Variants in BTBD1 observed in about 807,000 individuals in gnomAD.
The protein encoded by BTBD1 is BTB/POZ domain-containing protein 1.
In BTBD1, 34 loss-of-function variants were observed where a neutral mutation model predicts 48.0. The observed-to-expected ratio is 0.71, with a 90% CI of 0.54 to 0.94. BTBD1 has a LOEUF of 0.94. Among genes scored for constraint, BTBD1 ranks in the 40% least tolerant of loss-of-function variants. The pLI, the probability that BTBD1 is intolerant of heterozygous loss-of-function variation, is 0.00. For missense variants in BTBD1, 543 were observed against 625.6 expected (o/e 0.87, Z 1.41); for synonymous variants, 261 against 242.1 (o/e 1.08, Z -0.72).
chr15:83,051,617 T>C (rs933496642), intron 2 of BTBD1, among the ~76,000 whole-genome samples: 3 of 151,500 alleles, frequency 2.0e-5, no homozygotes, highest in African/African-American at 7.3e-5. Context: ...TTAAATAAAT[T>C]TTAGCACTAA....
intron 2 of BTBD1, among the ~76,000 whole-genome samples, chr15:83,052,876 G>A (rs570691627): frequency 2.8e-5 from 4 of 143,306 alleles, no homozygotes; most frequent in East Asian, 2.0e-4. Flanking sequence ...TCCTGACCCC[G>A]TGATCTGCCC....
intron 3 of BTBD1, among the ~76,000 whole-genome samples, chr15:83,046,894 T>C (rs994805767): frequency 1.3e-5 from 2 of 152,160 alleles, no homozygotes; most frequent in Admixed American, 1.3e-4. Context: ...ACAAGTATCA[T>C]GGACGAGGGT....
intron 5 of BTBD1, among the ~76,000 whole-genome samples, chr15:83,023,423 G>A (rs769545353): frequency 5.3e-5 from 8 of 151,984 alleles, no homozygotes; most frequent in African/African-American, 1.2e-4. Context: ...TCTGTCACCC[G>A]AACTGGAGAG....
chr15:83,066,946 C>G lies in BTBD1; in HGVS notation c.206G>C (p.Ser69Thr), dbSNP rs1363161155. 3 of 1,577,262 alleles carry G rather than the reference C, an allele frequency of 1.9e-6. No homozygotes were observed. The highest frequency in any genetic ancestry group is 2.6e-6 in the Non-Finnish European group (3 of 1,164,586). ...FAFLFNSELL[S>T]DVRFVLGKGR... ...CTTGCCCAGTACGAAGCGCACATCGCTCAGCAGCTCCGAGTTGAAGAGGAA... is the reference window on the plus strand; with the variant it reads ...CTTGCCCAGTACGAAGCGCACATCGGTCAGCAGCTCCGAGTTGAAGAGGAA... Residue 69 changes from serine to threonine, a missense_variant, in exon 1 of 8, where the codon AGC becomes ACC. This residue lies in a region of BTBD1 where 173 missense variants were observed against 163.9 expected (regional missense o/e 1.06). Transcript: ENST00000261721.
chr15:83,032,986 A>AAAAAAAAAAAAAAAAAAAC (rs1555439417), intron 4 of BTBD1, among the ~76,000 whole-genome samples: 1 of 151,372 alleles, frequency 6.6e-6, no homozygotes, highest in African/African-American at 2.4e-5. Flanking sequence ...AAAAAAAAAA[A>AAAAAAAAAAAAAAAAAAAC]AACAGAATAG....
chr15:83,062,170 A>G (rs1456771779), intron 1 of BTBD1, among the ~76,000 whole-genome samples: 2 of 121,926 alleles, frequency 1.6e-5, no homozygotes, highest in Non-Finnish European at 3.7e-5. Context: ...TAAAGTGTTT[A>G]AACATCCTGT....
At chr15:83,020,623 T>A in intron 6 of BTBD1, 52 bp downstream of exon 6, 5 of 1,209,248 alleles carry the variant, frequency 4.1e-6, no homozygotes, top group Non-Finnish European at 6.0e-6. Flanking sequence ...TATCTTAAAG[T>A]TACCTGTTTG....
In BTBD1 at chr15:83,030,229, G is replaced by C. The variant is rs574934563; in HGVS notation, c.962C>G (p.Pro321Arg). The change falls in exon 5 of 8, where the codon CCA becomes CGA. Residue 321 changes from proline (P) to arginine (R), a missense_variant. Physicochemically the swap from Pro to Arg is moderately radical, Grantham distance 103 (BLOSUM62 -2). This residue lies in a region of BTBD1 where 300 missense variants were observed against 350.0 expected (regional missense o/e 0.86). Coordinates refer to ENST00000261721, the MANE Select transcript of BTBD1 (RefSeq NM_025238.4). ...TTCCTTTCCCCTGAGACAGCATCTT[G>C]GTCGGTCAATGTATTCAACTCGGGG... The part of the protein sequence containing the change: ...PKPRVEYIDR[P>R]RCCLRGKECC... 2 of 1,613,852 alleles carry C rather than the reference G, an allele frequency of 1.2e-6. No individual in the cohort carries two copies. Among genetic ancestry groups the C allele is most frequent in the African/African-American group, 1.3e-5 (1 of 74,934 alleles).
intron 1 of BTBD1, among the ~76,000 whole-genome samples, chr15:83,062,870 C>T (rs922354859): frequency 2.0e-5 from 3 of 152,146 alleles, no homozygotes; most frequent in Non-Finnish European, 4.4e-5. Context: ...TGCAACAAAA[C>T]TCCTGAGAGG....
Position 83,030,321 on chromosome 15 carries a change from A to G in BTBD1, c.870T>C (p.Ala290=). 6.2e-7 allele frequency: 1 copy of G among 1,611,700 alleles called. No homozygotes were observed. Among genetic ancestry groups the G allele is most frequent in the South Asian group, 1.1e-5 (1 of 90,916 alleles). ...MTIEEFAAGP[A]QSGILSDREV... ...CACGATCTGACAAAATTCCAGATTG[A>G]GCAGGACCTGTGGAAATAAAAACAT... Residue 290 remains alanine, a synonymous_variant, in exon 5 of 8, where the codon GCT becomes GCC. Transcript: ENST00000261721.
chr15:83,061,421 C>T (rs527444764), intron 1 of BTBD1: 33 of 152,246 alleles, frequency 2.2e-4, no homozygotes, highest in African/African-American at 6.0e-4. Flanking sequence ...GCACTCATAT[C>T]TAATAACTAA....
At chr15:83,062,817 C>T (rs970011137) in intron 1 of BTBD1, among the ~76,000 whole-genome samples, 1 of 152,152 alleles carries the variant, frequency 6.6e-6, no homozygotes, top group Non-Finnish European at 1.5e-5. Context: ...AGAACACTTA[C>T]CTCGTGCCCC....
At chr15:83,056,623 G>A (rs1278729827) in intron 1 of BTBD1, 78 bp from the exon 2 acceptor site, 8 of 1,266,904 alleles carry the variant, frequency 6.3e-6, no homozygotes, top group Non-Finnish European at 7.9e-6. Context: ...AAATTTCTGA[G>A]GAGTATTTAC....
chr15:83,034,379 T>C (rs958445177), intron 4 of BTBD1, among the ~76,000 whole-genome samples: 2 of 152,198 alleles, frequency 1.3e-5, no homozygotes, highest in Non-Finnish European at 2.9e-5. Flanking sequence ...GTTGGGTGAC[T>C]GAGGCAAGCT....
At chr15:83,041,685 T>C (rs760025626) in intron 4 of BTBD1, 43 bp downstream of exon 4, 1 of 1,587,748 alleles carries the variant, frequency 6.3e-7, no homozygotes, top group Non-Finnish European at 8.6e-7. Flanking sequence ...TGACAGACTA[T>C]TAAAACAGTT....
chr15:83,054,920 C>T (rs575948249), intron 2 of BTBD1, among the ~76,000 whole-genome samples: 96 of 152,222 alleles, frequency 6.3e-4, no homozygotes, highest in African/African-American at 2.1e-3. Context: ...GAGCTCTGGG[C>T]CATGGCCCTA....
chr15:83,034,154 A>C (rs1017131443), intron 4 of BTBD1, among the ~76,000 whole-genome samples: 1 of 151,890 alleles, frequency 6.6e-6, no homozygotes, highest in East Asian at 1.9e-4. Context: ...TATTAAATAT[A>C]AAGTGAACCA....
chr15:83,066,756 C>T lies in BTBD1; in HGVS notation c.396G>A (p.Leu132=), dbSNP rs1596447456. The T allele has an allele frequency of 2.9e-6, 4 of 1,403,238 alleles. No homozygotes were observed. Among genetic ancestry groups the T allele is most frequent in the Non-Finnish European group, 3.7e-6 (4 of 1,085,292 alleles). 86.9% of individuals were successfully genotyped at this position (1,403,238 alleles called of 1,614,324 possible). Residue 132 remains leucine, a synonymous_variant, in exon 1 of 8, where the codon CTG becomes CTA. Transcript: ENST00000261721. ...PDVEPAAFLA[L]LRFLYSDEVQ... Reference sequence around the variant, plus strand: ...CGGCCCGCGCTGCCGCTCACCTCAGCAGCGCCAGGAAGGCTGCGGGCTCCA... The same window carrying T: ...CGGCCCGCGCTGCCGCTCACCTCAGTAGCGCCAGGAAGGCTGCGGGCTCCA...
intron 1 of BTBD1, among the ~76,000 whole-genome samples, chr15:83,065,089 T>C (rs1046617013): frequency 6.6e-6 from 1 of 152,196 alleles, no homozygotes; most frequent in African/African-American, 2.4e-5. Context: ...CTGCATTATA[T>C]CTCATCAAGT....
Sources: allele counts gnomAD v4.1 joint callset (sites outside exome capture counted in the v4.1 genomes callset), GRCh38; gene constraint gnomAD v4.1.1; regional missense constraint gnomAD v4.1.1; transcripts MANE v1.5; gene names NCBI Gene and HGNC (gene_info 2026-07-23, HGNC 2026-07-21).